Variants in TENM2 observed in about 807,000 individuals in gnomAD.
The protein encoded by TENM2 is teneurin transmembrane protein 2.
In TENM2, 52 loss-of-function variants were observed where a neutral mutation model predicts 245.2. That is an observed-to-expected ratio of 0.21 (90% CI 0.17 to 0.27). The LOEUF (loss-of-function observed/expected upper bound fraction) is 0.27. Ranked by LOEUF, TENM2 falls within the 10% of genes least tolerant of loss-of-function variation. The pLI is 1.00. For missense variants in TENM2, 3,046 were observed against 3,666.8 expected (o/e 0.83, Z 4.37); for synonymous variants, 1,363 against 1,438.9 (o/e 0.95, Z 1.19).
At chr5:168,189,456 T>G (rs1760754631) in intron 13 of TENM2, among the ~76,000 whole-genome samples, 1 of 152,166 alleles carries the variant, frequency 6.6e-6, no homozygotes, top group African/African-American at 2.4e-5. Flanking sequence ...GAATGGTAGT[T>G]GAGTAAATAG....
At chr5:168,053,757 G>A (rs112421359) in intron 6 of TENM2, among the ~76,000 whole-genome samples, 6 of 152,254 alleles carry the variant, frequency 3.9e-5, no homozygotes, top group African/African-American at 1.4e-4. Flanking sequence ...AGGGGTCCTG[G>A]AATCCATACC....
chr5:167,130,912 TAAAA>T, the TENM2 span, among the ~76,000 whole-genome samples: 808 of 118,232 alleles, frequency 6.8e-3, 10 homozygotes, highest in African/African-American at 0.027. Flanking sequence ...TTTTTTTTTT[TAAAA>T]AAAAAAAAGA....
intron 2 of TENM2, 121 bp downstream of exon 4, chr5:167,375,594 T>G: frequency 9.3e-7 from 1 of 1,072,066 alleles, no homozygotes; most frequent in Non-Finnish European, 1.3e-6. Context: ...GAAATCGACC[T>G]TGTCTACCCA....
chr5:167,992,908 C>T, intron 4 of TENM2, 36 bp from the exon 7 acceptor site: 1 of 1,556,842 alleles, frequency 6.4e-7, no homozygotes, highest in Non-Finnish European at 8.9e-7. Flanking sequence ...CCTTGGCTAC[C>T]CATGACCACT....
At chr5:167,323,150 C>T (rs1756868841) in intron 1 of TENM2, among the ~76,000 whole-genome samples, 3 of 152,156 alleles carry the variant, frequency 2.0e-5, no homozygotes, top group Admixed American at 2.0e-4. Flanking sequence ...ACTAGTACAG[C>T]ATATAGAGCT....
At chr5:168,248,221 C>A (rs187180819) in exon 27 of TENM2, 1 of 1,614,016 alleles carries the variant, frequency 6.2e-7, no homozygotes, top group African/African-American at 1.3e-5. Context: ...CTTCACTCAG[C>A]GTGATTATGA....
chr5:167,826,206 T>A (rs1456581707), intron 2 of TENM2, among the ~76,000 whole-genome samples: 1 of 152,254 alleles, frequency 6.6e-6, no homozygotes, highest in Non-Finnish European at 1.5e-5. Context: ...GAGAGTTTCA[T>A]ATGCCAGCAA....
At chr5:167,030,999 T>C in the TENM2 span, among the ~76,000 whole-genome samples, 4 of 152,146 alleles carry the variant, frequency 2.6e-5, no homozygotes, top group African/African-American at 9.7e-5. Flanking sequence ...AGCATGCCGC[T>C]TCCTGGGCAT....
At chr5:167,738,939 G>A (rs1561723767) in intron 2 of TENM2, among the ~76,000 whole-genome samples, 1 of 152,166 alleles carries the variant, frequency 6.6e-6, no homozygotes, top group Admixed American at 6.5e-5. Flanking sequence ...AGGCACTGGG[G>A]GTTAGGGCTC....
At chr5:167,850,985 T>A (rs1389570417) in intron 2 of TENM2, among the ~76,000 whole-genome samples, 8 of 152,218 alleles carry the variant, frequency 5.3e-5, no homozygotes, top group African/African-American at 1.9e-4. Context: ...ACTATCACTC[T>A]TAGGGTGCAT....
exon 8 of TENM2, chr5:168,090,655 T>A: frequency 6.2e-7 from 1 of 1,613,904 alleles, no homozygotes; most frequent in Non-Finnish European, 8.5e-7. Flanking sequence ...CATACAGACC[T>A]TGGTTCAGAA....
chr5:168,059,216 G>A (rs1375769250), intron 6 of TENM2, among the ~76,000 whole-genome samples: 1 of 152,164 alleles, frequency 6.6e-6, no homozygotes, highest in Non-Finnish European at 1.5e-5. Context: ...AAGCACTGGG[G>A]CTCCTTGTCT....
intron 2 of TENM2, among the ~76,000 whole-genome samples, chr5:167,851,251 C>A (rs1167274800): frequency 6.6e-6 from 1 of 152,120 alleles, no homozygotes; most frequent in Non-Finnish European, 1.5e-5. Flanking sequence ...AGTTTGTCCT[C>A]TGACTCATGA....
chr5:167,677,552 C>A (rs1042820420), intron 2 of TENM2, among the ~76,000 whole-genome samples: 13 of 151,620 alleles, frequency 8.6e-5, no homozygotes, highest in Non-Finnish European at 1.8e-4. Flanking sequence ...TGTGTACTAA[C>A]CTTACCTATT....
chr5:167,850,930 A>G (rs1254664018), intron 2 of TENM2, among the ~76,000 whole-genome samples: 1 of 152,126 alleles, frequency 6.6e-6, no homozygotes, highest in Non-Finnish European at 1.5e-5. Context: ...ACAACTCTGA[A>G]TTTTCTCATG....
chr5:167,962,477 G>GA (rs1781087634), intron 4 of TENM2, among the ~76,000 whole-genome samples: 1 of 152,136 alleles, frequency 6.6e-6, no homozygotes, highest in Non-Finnish European at 1.5e-5. Context: ...TCTCATGTAT[G>GA]AAAATTCTAG....
intron 5 of TENM2, among the ~76,000 whole-genome samples, chr5:168,026,844 G>A (rs768391072): frequency 1.3e-5 from 2 of 152,100 alleles, no homozygotes; most frequent in African/African-American, 4.8e-5. Context: ...TTACACCACA[G>A]TGAACCAAAC....
At chr5:167,751,449 C>A (rs1036649776) in intron 2 of TENM2, among the ~76,000 whole-genome samples, 7 of 152,074 alleles carry the variant, frequency 4.6e-5, no homozygotes, top group African/African-American at 1.7e-4. Context: ...TGGGAGTTTA[C>A]AATCTAGTAA....
chr5:167,572,258 G>A (rs1266192306), intron 2 of TENM2, among the ~76,000 whole-genome samples: 2 of 152,218 alleles, frequency 1.3e-5, no homozygotes, highest in Non-Finnish European at 2.9e-5. Flanking sequence ...GGGGAAGAGA[G>A]TGTTATTCTT....
Sources: gnomAD v4.1 joint callset for allele counts (sites outside exome capture counted in the v4.1 genomes callset) on GRCh38, gnomAD v4.1.1 for gene constraint, MANE v1.5 for transcripts, NCBI Gene and HGNC (gene_info 2026-07-23, HGNC 2026-07-21) for gene names.